Variants in SEMA5A observed in about 807,000 individuals in gnomAD.
The protein encoded by SEMA5A is semaphorin-5A.
Under a neutral mutation model 135.5 loss-of-function variants are expected in SEMA5A, and 55 were observed. The observed-to-expected ratio is 0.41, with a 90% CI of 0.33 to 0.51. The LOEUF (loss-of-function observed/expected upper bound fraction) is 0.51. Ranked by LOEUF, SEMA5A falls within the 20% of genes least tolerant of loss-of-function variation. The pLI is 0.37. For synonymous variants in SEMA5A, 580 were observed against 546.5 expected (o/e 1.06, Z -0.85); for missense variants, 1,290 against 1,419.9 (o/e 0.91, Z 1.47).
chr5:9,463,721 T>C (rs917031982), intron 1 of SEMA5A, among the ~76,000 whole-genome samples: 1 of 152,148 alleles, frequency 6.6e-6, no homozygotes, highest in East Asian at 1.9e-4. Context: ...ATCTAAGTCA[T>C]AGAAATGGCA....
chr5:9,044,159 C>T (rs767873427), intron 22 of SEMA5A, among the ~76,000 whole-genome samples: 1 of 152,178 alleles, frequency 6.6e-6, no homozygotes, highest in Non-Finnish European at 1.5e-5. Flanking sequence ...ATAGAGGCCA[C>T]ATGGCTAAGA....
At chr5:9,343,785 C>G (rs1378990060) in intron 3 of SEMA5A, among the ~76,000 whole-genome samples, 1 of 152,172 alleles carries the variant, frequency 6.6e-6, no homozygotes, top group African/African-American at 2.4e-5. Flanking sequence ...CAGTTTCCTT[C>G]CCTTTCCTTT....
intron 11 of SEMA5A, among the ~76,000 whole-genome samples, chr5:9,160,222 A>T (rs944847638): frequency 6.6e-6 from 1 of 152,146 alleles, no homozygotes; most frequent in African/African-American, 2.4e-5. Flanking sequence ...ATTCTCCTCC[A>T]TTGGAAGACT....
intron 3 of SEMA5A, among the ~76,000 whole-genome samples, chr5:9,338,331 A>G (rs1202816813): frequency 6.6e-6 from 1 of 152,156 alleles, no homozygotes; most frequent in East Asian, 1.9e-4. Flanking sequence ...CTTGTTAAAC[A>G]CATTCCGACC....
At position 9,435,492 on chromosome 5, in the gene SEMA5A, G is replaced by A. The variant is rs554409857; in HGVS notation, c.-78+2264C>T. Among the ~76,000 whole-genome samples the A allele has an allele frequency of 1.8e-4, 28 of 152,268 alleles. No individual in the cohort carries two copies. The South Asian group carries it at 2.7e-3, about 15-fold the overall frequency. ...AGAACATCAAATGTCCTTATTCTAAGGGGTAAGGTTTGCAGTTACAATAGA... is the reference window on the plus strand; with the variant it reads ...AGAACATCAAATGTCCTTATTCTAAAGGGTAAGGTTTGCAGTTACAATAGA... On this transcript the variant is annotated intron_variant, in intron 2 of 22. Coordinates refer to ENST00000382496, the MANE Select transcript of SEMA5A (RefSeq NM_003966.3).
At chr5:9,461,672 T>G (rs1243725941) in intron 1 of SEMA5A, among the ~76,000 whole-genome samples, 1 of 152,180 alleles carries the variant, frequency 6.6e-6, no homozygotes, top group East Asian at 1.9e-4. Context: ...CCCTGAAGGA[T>G]GCATCTGTAA....
At chr5:9,096,315 G>A (rs966968737) in intron 16 of SEMA5A, among the ~76,000 whole-genome samples, 1 of 152,058 alleles carries the variant, frequency 6.6e-6, no homozygotes, top group Non-Finnish European at 1.5e-5. Flanking sequence ...TTGCTACTTT[G>A]TGTTATTTGA....
At chr5:9,299,017 G>A (rs1170445575) in intron 5 of SEMA5A, among the ~76,000 whole-genome samples, 1 of 152,166 alleles carries the variant, frequency 6.6e-6, no homozygotes, top group Non-Finnish European at 1.5e-5. Context: ...GGACAGGCTT[G>A]ATAAACTAAG....
chr5:9,372,212 G>T (rs1470073009), intron 3 of SEMA5A, among the ~76,000 whole-genome samples: 1 of 152,342 alleles, frequency 6.6e-6, no homozygotes, highest in South Asian at 2.1e-4. Context: ...TGGCAATGAG[G>T]TTGCTGTATC....
chr5:9,346,078 C>T (rs954007464), intron 3 of SEMA5A, among the ~76,000 whole-genome samples: 1 of 152,050 alleles, frequency 6.6e-6, no homozygotes, highest in Admixed American at 6.5e-5. Flanking sequence ...CCTAAACCAC[C>T]CATGTTCCCA....
chr5:9,147,043 T>C (rs1047058711), intron 12 of SEMA5A, among the ~76,000 whole-genome samples: 1 of 152,212 alleles, frequency 6.6e-6, no homozygotes, highest in African/African-American at 2.4e-5. Flanking sequence ...ACACATTGTA[T>C]GCTTTTTCCA....
chr5:9,190,313 C>G lies in SEMA5A; in HGVS notation c.1227G>C (p.Val409=), dbSNP rs748555426. ...NSRFSHVAVD[V]VQGREALVHI... is the part of the protein sequence containing the mutation. ...GGACGAGCGCTTCTCTGCCCTGCAC[C>G]ACGTCGACTGCCACGTGGGAAAAGC... is the stretch of plus-strand genomic sequence containing the variant. The change falls in exon 11 of 23, where the codon GTG becomes GTC. Residue 409 remains valine (V), a synonymous_variant. Coordinates refer to ENST00000382496, the MANE Select transcript of SEMA5A (RefSeq NM_003966.3). 14 of 1,614,096 alleles carry G rather than the reference C, an allele frequency of 8.7e-6. No homozygotes were observed. Among genetic ancestry groups the G allele is most frequent in the Middle Eastern group, 3.3e-4 (2 of 6,054 alleles).
chr5:9,400,632 A>T lies in SEMA5A; in HGVS notation c.-77-20609T>A, dbSNP rs1186673754. ...CGCCATTCTCCCGCCTCAGCCTCCC[A>T]AGTAGCTGGGACTACAGGCGCCCGC... On this transcript the variant is annotated intron_variant, in intron 2 of 22. Transcript: ENST00000382496. Among the ~76,000 whole-genome samples the T allele has an allele frequency of 1.9e-5, 2 of 105,260 alleles. 1 individual carries two copies. The highest frequency in any genetic ancestry group is 3.8e-5 in the Non-Finnish European group (2 of 52,916). 69.1% of individuals were successfully genotyped at this position (105,260 alleles called of 152,430 possible). A position where few individuals can be genotyped will look rare whatever the true frequency, so the allele number is the denominator to read the frequency against.
chr5:9,240,820 C>T lies in SEMA5A; in HGVS notation c.271-2930G>A, dbSNP rs75372381. On this transcript the variant is annotated intron_variant, in intron 5 of 22. Transcript: ENST00000382496. ...AAGTCTCACTACTGATTTGAGAAGC[C>T]ACGTGTCCACTTGTATTCAAAAGAT... is the stretch of plus-strand genomic sequence containing the variant. 4.1e-3 allele frequency among the ~76,000 whole-genome samples: 624 copies of T among 152,068 alleles called. 5 individuals are homozygous for T. Among genetic ancestry groups the T allele is most frequent in the African/African-American group, 0.014 (582 of 41,516 alleles).
At chr5:9,241,519 T>C (rs1460794194) in intron 5 of SEMA5A, among the ~76,000 whole-genome samples, 6 of 140,650 alleles carry the variant, frequency 4.3e-5, no homozygotes, top group East Asian at 2.1e-4. Flanking sequence ...CTCTAACTTA[T>C]AATATCATTA....
At chr5:9,381,553 TC>T (rs1291194066) in intron 2 of SEMA5A, among the ~76,000 whole-genome samples, 7 of 152,196 alleles carry the variant, frequency 4.6e-5, no homozygotes. Flanking sequence ...TAGAACACAT[TC>T]TTTAAGACAC....
At chr5:9,341,240 A>G (rs1753639879) in intron 3 of SEMA5A, among the ~76,000 whole-genome samples, 1 of 151,436 alleles carries the variant, frequency 6.6e-6, no homozygotes, top group Middle Eastern at 3.2e-3. Flanking sequence ...ACTATATTTC[A>G]TAGGGAATAG....
intron 1 of SEMA5A, among the ~76,000 whole-genome samples, chr5:9,539,277 C>G (rs1737948299): frequency 6.6e-6 from 1 of 152,238 alleles, no homozygotes; most frequent in Admixed American, 6.5e-5. Context: ...CATATTGCAG[C>G]ATATATCAAG....
rs1735775841 is a variant in SEMA5A, at chr5:9,038,527, T to C, written c.*4370A>G. ...TTGGGGAAATATTTATGATTTATTC[T>C]AAAAGCAAAAGGAACACTGCAAATA... On this transcript the variant is annotated 3_prime_UTR_variant, in exon 23 of 23. Transcript: ENST00000382496. The C allele has an allele frequency of 6.6e-6, 1 of 152,202 alleles. No homozygotes were observed. Among genetic ancestry groups the C allele is most frequent in the African/African-American group, 2.4e-5 (1 of 41,464 alleles). The allele number at this position is 152,202 out of a possible 1,614,324, so 9.4% of individuals were successfully genotyped here.
Sources: gnomAD v4.1 joint callset for allele counts (sites outside exome capture counted in the v4.1 genomes callset) on GRCh38, gnomAD v4.1.1 for gene constraint, MANE v1.5 for transcripts, NCBI Gene and HGNC (gene_info 2026-07-23, HGNC 2026-07-21) for gene names.